Variants in ADAMTS18 observed in about 807,000 individuals in gnomAD.
ADAMTS18 encodes the protein ADAM metallopeptidase with thrombospondin type 1 motif 18, also known as A disintegrin and metalloproteinase with thrombospondin motifs 18.
ADAMTS18 carries 157 observed loss-of-function variants against 165.9 expected under a neutral mutation model. The ratio of observed to expected loss-of-function variants is 0.95; its 90% confidence interval spans 0.83 to 1.08. The LOEUF (loss-of-function observed/expected upper bound fraction) is 1.08, where lower values mean the gene tolerates loss of function less well. Among genes scored for constraint, ADAMTS18 ranks in the 50% least tolerant of loss-of-function variants. ADAMTS18 has a pLI of 0.00. For synonymous variants in ADAMTS18, 782 were observed against 578.2 expected (o/e 1.35, Z -5.06); for missense variants, 2,040 against 1,534.0 (o/e 1.33, Z -5.51).
chr16:77,389,173 T>C (rs1450999256), intron 3 of ADAMTS18, among the ~76,000 whole-genome samples: 1 of 152,092 alleles, frequency 6.6e-6, no homozygotes, highest in Non-Finnish European at 1.5e-5. Context: ...TGGTTGCACA[T>C]ACCTGTGGTC....
At chr16:77,337,623 G>T (rs116736149) in intron 11 of ADAMTS18, among the ~76,000 whole-genome samples, 1,638 of 152,260 alleles carry the variant, frequency 0.011, 29 homozygotes, top group African/African-American at 0.037. Flanking sequence ...ACTGACCAAT[G>T]TACCTTAATT....
chr16:77,366,284 C>T lies in ADAMTS18; in HGVS notation c.778+1157G>A, dbSNP rs369169641. On this transcript the variant is annotated intron_variant, in intron 4 of 22. Transcript: ENST00000282849. The stretch of plus-strand genomic sequence containing the variant: ...AGCTATTGAAAATCTTTTGGCTGGG[C>T]GCAGTGGCTCATGCCTTTAATGCTA... 1.3e-4 allele frequency among the ~76,000 whole-genome samples: 20 copies of T among 152,294 alleles called. No homozygotes were observed. In the East Asian group the frequency reaches 1.7e-3, roughly 13 times the overall value.
At chr16:77,415,725 CAAAAAAAA>C (rs71137817) in intron 3 of ADAMTS18, among the ~76,000 whole-genome samples, 1 of 102,000 alleles carries the variant, frequency 9.8e-6, no homozygotes, top group Non-Finnish European at 2.0e-5. Flanking sequence ...GCTGGGTAGG[CAAAAAAAA>C]AAAAAAAAAT....
rs2055490539 is a variant in ADAMTS18, at chr16:77,297,224, C to G, written c.2801+65G>C. Reference sequence around the variant, plus strand: ...AGTATTCACAGTGAGCTTTCATCATCTCATAACAACAATGAAGGCATACAA... The same window carrying G: ...AGTATTCACAGTGAGCTTTCATCATGTCATAACAACAATGAAGGCATACAA... On this transcript the variant is annotated intron_variant, in intron 18 of 22. Transcript: ENST00000282849. 3.8e-6 allele frequency: 6 copies of G among 1,594,460 alleles called. No homozygotes were observed. In the South Asian group the frequency reaches 4.4e-5, roughly 12 times the overall value.
intron 16 of ADAMTS18, among the ~76,000 whole-genome samples, chr16:77,313,598 T>C (rs2055826046): frequency 6.6e-6 from 1 of 152,140 alleles, no homozygotes; most frequent in African/African-American, 2.4e-5. Context: ...TTGCTTGTCA[T>C]GAAGCGGTAA....
At chr16:77,429,274 G>T (rs1467610721) in intron 3 of ADAMTS18, among the ~76,000 whole-genome samples, 1 of 152,150 alleles carries the variant, frequency 6.6e-6, no homozygotes, top group Non-Finnish European at 1.5e-5. Context: ...AACGAGATCA[G>T]GTCTTTTGCA....
intron 3 of ADAMTS18, among the ~76,000 whole-genome samples, chr16:77,410,589 C>T (rs550556061): frequency 5.2e-4 from 79 of 152,124 alleles, no homozygotes; most frequent in Non-Finnish European, 8.2e-4. Context: ...ATAATTTGCA[C>T]AAGAACACAA....
intron 12 of ADAMTS18, among the ~76,000 whole-genome samples, chr16:77,327,869 C>G (rs192770439): frequency 6.6e-6 from 1 of 152,308 alleles, no homozygotes; most frequent in Non-Finnish European, 1.5e-5. Flanking sequence ...CGTCAGCACA[C>G]TGGGGAGAAG....
intron 3 of ADAMTS18, among the ~76,000 whole-genome samples, chr16:77,377,003 T>C (rs1281272679): frequency 6.6e-6 from 1 of 151,910 alleles, no homozygotes; most frequent in African/African-American, 2.4e-5. Context: ...TTAGTAGAGA[T>C]GAGGTTTCAT....
chr16:77,376,514 A>G (rs1333749603), intron 3 of ADAMTS18, among the ~76,000 whole-genome samples: 3 of 152,136 alleles, frequency 2.0e-5, no homozygotes, highest in Admixed American at 6.5e-5. Context: ...CCTTCCCCTC[A>G]AGAGACAAGA....
At chr16:77,331,474 A>G (rs1011372629) in intron 12 of ADAMTS18, among the ~76,000 whole-genome samples, 4 of 152,048 alleles carry the variant, frequency 2.6e-5, no homozygotes, top group African/African-American at 4.8e-5. Context: ...GAGATACTAA[A>G]ACAACATCAT....
chr16:77,294,424 T>A (rs1226697660), intron 19 of ADAMTS18, among the ~76,000 whole-genome samples: 1 of 151,950 alleles, frequency 6.6e-6, no homozygotes, highest in Non-Finnish European at 1.5e-5. Flanking sequence ...AATTCTGAGC[T>A]GTGAACGACA....
rs532290896 is a variant in ADAMTS18, at chr16:77,362,558, C to T, written c.1057-294G>A. 8.5e-5 allele frequency among the ~76,000 whole-genome samples: 13 copies of T among 152,196 alleles called. 1 individual carries two copies. The South Asian group carries it at 2.7e-3, about 32-fold the overall frequency. On this transcript the variant is annotated intron_variant, in intron 6 of 22. Coordinates refer to ENST00000282849, the MANE Select transcript of ADAMTS18 (RefSeq NM_199355.4). ...TTACCTAGTACTACCTTTATAAAAC[C>T]GTTACAACTTTTAAAACATGATAAT...
At chr16:77,388,076 T>C (rs1293127580) in intron 3 of ADAMTS18, among the ~76,000 whole-genome samples, 2 of 152,234 alleles carry the variant, frequency 1.3e-5, no homozygotes, top group East Asian at 3.9e-4. Context: ...CTACGCACTC[T>C]GCAAGGCTAG....
chr16:77,407,360 A>G (rs1458133513), intron 3 of ADAMTS18, among the ~76,000 whole-genome samples: 2 of 152,260 alleles, frequency 1.3e-5, no homozygotes, highest in African/African-American at 4.8e-5. Context: ...TAGATGTACC[A>G]TGTTCATAGA....
In ADAMTS18 at chr16:77,431,453, T is replaced by C; in HGVS notation, c.337A>G (p.Lys113Glu). The C allele has an allele frequency of 6.2e-7, 1 of 1,614,184 alleles. No homozygotes were observed. Among genetic ancestry groups the C allele is most frequent in the Admixed American group, 1.7e-5 (1 of 60,026 alleles). ...AFGQELHLEL[K>E]PSAILSSHFI... ...TGACTGCTCAAAATCGCCGAGGGCT[T>C]AAGTTCTAAGTGCAGTTCCTGTCCA... Residue 113 changes from lysine to glutamate, a missense_variant, in exon 3 of 23, where the codon AAG (lysine) becomes GAG (glutamate). Transcript: ENST00000282849.
chr16:77,364,849 T>C (rs1363076396), intron 4 of ADAMTS18, among the ~76,000 whole-genome samples: 4 of 152,050 alleles, frequency 2.6e-5, no homozygotes, highest in African/African-American at 7.2e-5. Context: ...CTCACGCCCG[T>C]AATCCCAGCA....
rs976592407 is a variant in ADAMTS18, at chr16:77,362,221, C to T, written c.1100G>A (p.Ser367Asn). ...INHHADQSLNSFCQWQSALIG... is the reference protein window; with the variant it reads ...INHHADQSLNNFCQWQSALIG... The stretch of plus-strand genomic sequence containing the variant: ...GAGGGCAGACTGCCATTGACAAAAA[C>T]TATTCAGAGACTGGTCTGCATGATG... Residue 367 changes from serine (S) to asparagine (N), a missense_variant, in exon 7 of 23, where the codon AGT (serine) becomes AAT (asparagine). Transcript: ENST00000282849. The T allele has an allele frequency of 1.2e-6, 2 of 1,614,166 alleles. No homozygotes were observed. Among genetic ancestry groups the T allele is most frequent in the Non-Finnish European group, 1.7e-6 (2 of 1,180,018 alleles).
chr16:77,420,947 C>G (rs2144848121), intron 3 of ADAMTS18, among the ~76,000 whole-genome samples: 1 of 152,298 alleles, frequency 6.6e-6, no homozygotes, highest in Non-Finnish European at 1.5e-5. Flanking sequence ...AAAAAGTACT[C>G]TGTTATAGCA....
Sources: allele counts gnomAD v4.1 joint callset (sites outside exome capture counted in the v4.1 genomes callset), GRCh38; gene constraint gnomAD v4.1.1; transcripts MANE v1.5; gene names NCBI Gene and HGNC (gene_info 2026-07-23, HGNC 2026-07-21).